Variants in SS18 observed in about 807,000 individuals in gnomAD.
SS18 encodes the protein SS18 subunit of BAF chromatin remodeling complex, also known as protein SSXT.
Under a neutral mutation model 72.5 loss-of-function variants are expected in SS18, and 28 were observed. The ratio of observed to expected loss-of-function variants is 0.39; its 90% CI spans 0.29 to 0.53. SS18 has a LOEUF of 0.53. Ranked by LOEUF, SS18 falls within the 20% of genes least tolerant of loss-of-function variation. The pLI is 0.76. For missense variants in SS18, 518 were observed against 535.3 expected (o/e 0.97, Z 0.32); for synonymous variants, 172 against 164.2 (o/e 1.05, Z -0.37).
At chr18:26,033,173 G>A (rs1486979848) in intron 9 of SS18, among the ~76,000 whole-genome samples, 1 of 152,176 alleles carries the variant, frequency 6.6e-6, no homozygotes, top group African/African-American at 2.4e-5. Flanking sequence ...TTCCAGAGAT[G>A]GCAAGGGACT....
intron 10 of SS18, among the ~76,000 whole-genome samples, chr18:26,028,435 T>C (rs900880359): frequency 1.3e-5 from 2 of 152,182 alleles, no homozygotes; most frequent in African/African-American, 4.8e-5. Context: ...TATATACCTA[T>C]CATATGATCC....
intron 3 of SS18, among the ~76,000 whole-genome samples, chr18:26,062,994 T>G (rs1028494248): frequency 6.6e-6 from 1 of 152,212 alleles, no homozygotes; most frequent in African/African-American, 2.4e-5. Flanking sequence ...ATAAAAAAAT[T>G]TTGACATTAC....
At chr18:26,046,004 T>C (rs1396445990) in intron 5 of SS18, among the ~76,000 whole-genome samples, 9 of 151,762 alleles carry the variant, frequency 5.9e-5, no homozygotes, top group Non-Finnish European at 8.8e-5. Flanking sequence ...CTGGCCAATA[T>C]AGTGAAACCC....
chr18:26,072,623 C>A (rs2054332244), intron 3 of SS18, among the ~76,000 whole-genome samples: 1 of 151,622 alleles, frequency 6.6e-6, no homozygotes, highest in Non-Finnish European at 1.5e-5. Context: ...AGGTGAAACC[C>A]CTTCTCTGTT....
chr18:26,032,349 C>T (rs754179506), intron 10 of SS18, 50 bp downstream of exon 10: 3 of 1,595,646 alleles, frequency 1.9e-6, no homozygotes, highest in Non-Finnish European at 2.6e-6. Flanking sequence ...TTCACCTAAT[C>T]GAGAGTGAAG....
At chr18:26,062,882 G>C (rs747951904) in intron 3 of SS18, among the ~76,000 whole-genome samples, 4 of 152,046 alleles carry the variant, frequency 2.6e-5, no homozygotes, top group Non-Finnish European at 5.9e-5. Flanking sequence ...TAAAGTAAAA[G>C]TTGACAGAAC....
intron 3 of SS18, among the ~76,000 whole-genome samples, chr18:26,059,872 A>T (rs1430858477): frequency 1.3e-5 from 2 of 152,196 alleles, no homozygotes; most frequent in African/African-American, 4.8e-5. Context: ...TAGCTGCAAT[A>T]ACATAAAAAT....
chr18:26,031,540 AG>A (rs2053542261), intron 10 of SS18, among the ~76,000 whole-genome samples: 1 of 152,236 alleles, frequency 6.6e-6, no homozygotes, highest in Non-Finnish European at 1.5e-5. Flanking sequence ...ACCAGCCTAA[AG>A]GAACTGCCAT....
chr18:26,026,246 C>G (rs1245558980), intron 10 of SS18, among the ~76,000 whole-genome samples: 1 of 152,032 alleles, frequency 6.6e-6, no homozygotes, highest in Non-Finnish European at 1.5e-5. Flanking sequence ...GATGCAGATG[C>G]AGAAATTCTT....
chr18:26,045,510 G>A (rs192166331), intron 5 of SS18, among the ~76,000 whole-genome samples: 324 of 152,134 alleles, frequency 2.1e-3, no homozygotes, highest in African/African-American at 7.7e-3. Context: ...TGGCATACAT[G>A]CTTATTTTTC....
chr18:26,051,689 T>C (rs2053926953), intron 5 of SS18, among the ~76,000 whole-genome samples: 1 of 152,190 alleles, frequency 6.6e-6, no homozygotes, highest in African/African-American at 2.4e-5. Flanking sequence ...ACCATAAGCA[T>C]TAAGTAACTT....
intron 5 of SS18, among the ~76,000 whole-genome samples, chr18:26,042,515 G>A (rs971167686): frequency 1.2e-4 from 18 of 151,224 alleles, no homozygotes; most frequent in Admixed American, 1.1e-3. Flanking sequence ...GATATTCTAT[G>A]AAAATAACAT....
intron 9 of SS18, among the ~76,000 whole-genome samples, chr18:26,034,519 C>T (rs1001336251): frequency 4.6e-5 from 7 of 151,404 alleles, no homozygotes; most frequent in South Asian, 2.1e-4. Flanking sequence ...CCGATGGATA[C>T]GTATATTGCT....
Position 26,035,189 on chromosome 18 carries a change from C to T in SS18, c.974-62G>A, listed in dbSNP as rs545795747. ...AAGTCTGCTTAAGTAACTTTTTTCCCTCTAAGATGCATAGCCAACAACACA... is the reference window on the plus strand; with the variant it reads ...AAGTCTGCTTAAGTAACTTTTTTCCTTCTAAGATGCATAGCCAACAACACA... On this transcript the variant is annotated intron_variant, in intron 8 of 10. Coordinates refer to ENST00000415083, the MANE Select transcript of SS18 (RefSeq NM_001007559.3). This position sits in a 1 kb window ranked among gnomAD's most constrained non-coding sequence, Gnocchi z 4.4. 265 of 1,562,914 alleles carry T rather than the reference C, an allele frequency of 1.7e-4. 8 individuals carry two copies. The South Asian group carries it at 1.8e-3, about 11-fold the overall frequency.
At chr18:26,090,264 G>A in intron 1 of SS18, 1 of 549,776 alleles carries the variant, frequency 1.8e-6, no homozygotes, top group Non-Finnish European at 3.2e-6. Flanking sequence ...CGGCTGTTTG[G>A]GCTTTTGTGT....
chr18:26,074,635 ATT>A (rs2054376833), intron 3 of SS18, among the ~76,000 whole-genome samples: 1 of 151,996 alleles, frequency 6.6e-6, no homozygotes, highest in African/African-American at 2.4e-5. Flanking sequence ...TTTTTAACAA[ATT>A]TTTTAGATTT....
intron 3 of SS18, among the ~76,000 whole-genome samples, chr18:26,068,100 G>A (rs997708181): frequency 2.0e-5 from 3 of 152,102 alleles, no homozygotes; most frequent in Non-Finnish European, 2.9e-5. Flanking sequence ...TTGCAGCCCG[G>A]TTCCTAACAG....
chr18:26,025,145 C>T (rs1290288061), intron 10 of SS18, among the ~76,000 whole-genome samples: 2 of 152,032 alleles, frequency 1.3e-5, no homozygotes, highest in South Asian at 4.1e-4. Flanking sequence ...TTGCACACTT[C>T]TGATGTGTTG....
intron 5 of SS18, among the ~76,000 whole-genome samples, chr18:26,044,227 T>C (rs1598556524): frequency 6.6e-6 from 1 of 152,330 alleles, no homozygotes; most frequent in East Asian, 1.9e-4. Flanking sequence ...GGATTCTAAG[T>C]ATAGGCTACT....
Sources: allele counts gnomAD v4.1 joint callset (sites outside exome capture counted in the v4.1 genomes callset), GRCh38; gene constraint gnomAD v4.1.1; non-coding constraint Gnocchi (gnomAD v3.1); transcripts MANE v1.5; gene names NCBI Gene and HGNC (gene_info 2026-07-23, HGNC 2026-07-21).